CFAP46: variants seen among roughly 807,000 people sequenced by gnomAD.
The protein encoded by CFAP46 is cilia- and flagella-associated protein 46.
Under a neutral mutation model 325.7 loss-of-function variants are expected in CFAP46, and 245 were observed. The ratio of observed to expected loss-of-function variants is 0.75; its 90% CI spans 0.68 to 0.84. The LOEUF (loss-of-function observed/expected upper bound fraction) is 0.84. CFAP46 is among the 40% of genes least tolerant of loss of function. The pLI, the probability that CFAP46 is intolerant of heterozygous loss-of-function variation, is 0.00. For missense variants in CFAP46, 3,346 were observed against 3,543.0 expected (o/e 0.94, Z 1.41); for synonymous variants, 1,523 against 1,495.9 (o/e 1.02, Z -0.42).
chr10:132,856,471 G>A (rs918006349), intron 39 of CFAP46, among the ~76,000 whole-genome samples: 7 of 151,948 alleles, frequency 4.6e-5, no homozygotes, highest in East Asian at 1.9e-4. Flanking sequence ...ACCTATATTC[G>A]TGCACTTAAA....
chr10:132,835,371 G>A lies in CFAP46; in HGVS notation c.6677C>T (p.Ala2226Val). ...CTGGGTCTGCTTCCGGAACTGCTGG[G>A]CACAGGCCAGCAGGTGGGAGAAGGC... ...PTAFSHLLAC[A>V]QQFRKQTQAQ... is the part of the protein sequence containing the mutation. The change falls in exon 47 of 58, where the codon GCC (alanine) becomes GTC (valine). Residue 2226 changes from alanine to valine, a missense_variant. Transcript: ENST00000368586. 1.2e-6 allele frequency: 2 copies of A among 1,613,650 alleles called. No individual in the cohort carries two copies. The highest frequency in any genetic ancestry group is 1.7e-6 in the Non-Finnish European group (2 of 1,179,928).
rs942240360 is a variant in CFAP46 at position 132,817,989 on chromosome 10, G to A, written c.7118-3075C>T. On this transcript the variant is annotated intron_variant, in intron 50 of 57. Coordinates refer to ENST00000368586, the MANE Select transcript of CFAP46 (RefSeq NM_001200049.3). This position sits in a 1 kb window ranked among gnomAD's most constrained non-coding sequence, Gnocchi z 4.4. ...CCAGGCTCCTTCTCCTGCTTCTCTTGTGTGAGGGCTTTCTCATCACCTGGG... is the reference window on the plus strand; with the variant it reads ...CCAGGCTCCTTCTCCTGCTTCTCTTATGTGAGGGCTTTCTCATCACCTGGG... Among the ~76,000 whole-genome samples, 2 of 152,198 alleles carry A rather than the reference G, an allele frequency of 1.3e-5. No individual in the cohort carries two copies. The highest frequency in any genetic ancestry group is 2.9e-5 in the Non-Finnish European group (2 of 68,036).
intron 19 of CFAP46, among the ~76,000 whole-genome samples, chr10:132,910,399 T>C (rs1591085451): frequency 6.6e-6 from 1 of 152,066 alleles, no homozygotes. Context: ...CGGTTGGGGG[T>C]GGGGCAGCAA....
Position 132,850,274 on chromosome 10 carries a change from G to A in CFAP46, c.5922C>T (p.His1974=). 6.4e-7 allele frequency: 1 copy of A among 1,550,826 alleles called. No individual in the cohort carries two copies. The highest frequency in any genetic ancestry group is 8.7e-7 in the Non-Finnish European group (1 of 1,146,990). ...GGCCCGCCTCCCAGTAGCAGGTAGG[G>A]TGCACAGGGTCAGCTTGCATGGCCA... ...HLLAMQADPV[H]PTCYWEAGPS... The change falls in exon 41 of 58, where the codon CAC becomes CAT. Residue 1974 remains histidine, a synonymous_variant. Coordinates refer to ENST00000368586, the MANE Select transcript of CFAP46 (RefSeq NM_001200049.3).
At chr10:132,815,001 C>A in intron 50 of CFAP46, 87 bp from the exon 51 acceptor site, 2 of 1,130,806 alleles carry the variant, frequency 1.8e-6, no homozygotes, top group Non-Finnish European at 2.6e-6. Flanking sequence ...TCATGTTATG[C>A]AAATTTCACT....
chr10:132,930,548 G>C (rs1185091316), intron 8 of CFAP46, among the ~76,000 whole-genome samples: 294 of 47,618 alleles, frequency 6.2e-3, no homozygotes, highest in Middle Eastern at 0.019. Flanking sequence ...CCCACACTCC[G>C]CACACAGAGC....
rs1324328388 is a variant in CFAP46, at chr10:132,889,881, C to T, written c.3304+2452G>A. On this transcript the variant is annotated intron_variant, in intron 25 of 57. Transcript: ENST00000368586. This position sits in a 1 kb window ranked among gnomAD's most constrained non-coding sequence, Gnocchi z 6.0. Reference sequence around the variant, plus strand: ...GATTAAAGTATTGATGCGGCCTGGACGCTAAGCATTTAGCTGCCAGACGTG... The same window carrying T: ...GATTAAAGTATTGATGCGGCCTGGATGCTAAGCATTTAGCTGCCAGACGTG... Among the ~76,000 whole-genome samples, 5 of 152,200 alleles carry T rather than the reference C, an allele frequency of 3.3e-5. No homozygotes were observed. The highest frequency in any genetic ancestry group is 2.1e-4 in the South Asian group (1 of 4,830).
Position 132,937,598 on chromosome 10 carries a change from A to T in CFAP46, c.614T>A (p.Ile205Asn), listed in dbSNP as rs1850029345. 6.2e-7 allele frequency: 1 copy of T among 1,613,578 alleles called. No homozygotes were observed. Among genetic ancestry groups the T allele is most frequent in the African/African-American group, 1.3e-5 (1 of 74,944 alleles). Residue 205 changes from isoleucine to asparagine, a missense_variant, in exon 6 of 58, where the codon ATT becomes AAT. By Grantham distance (149) the Ile-to-Asn change is moderately radical. Transcript: ENST00000368586. ...GTATTTCTGTGGCACGTGAGACTTA[A>T]TGAACGGAGCTGCCGTGGAGCAGAA... Reference protein sequence around the residue: ...ARFCSTAAPFIKSHVPQKYRQ... With the variant: ...ARFCSTAAPFNKSHVPQKYRQ...
rs745687841 is a variant in CFAP46 at position 132,936,994 on chromosome 10, A to G, written c.722T>C (p.Leu241Pro). 12 of 1,545,414 alleles carry G rather than the reference A, an allele frequency of 7.8e-6. No homozygotes were observed. In the East Asian group the frequency reaches 2.8e-4, roughly 36 times the overall value. Residue 241 changes from leucine to proline, a missense_variant, in exon 7 of 58, where the codon CTG becomes CCG. Coordinates refer to ENST00000368586, the MANE Select transcript of CFAP46 (RefSeq NM_001200049.3). ...LKEEKKNSIS[L>P]SVTFYINMLK... Reference sequence around the variant, plus strand: ...CATATTAATATAGAAAGTGACTGACAGGCTAATGGAATTTTTCTTTTCTTC... The same window carrying G: ...CATATTAATATAGAAAGTGACTGACGGGCTAATGGAATTTTTCTTTTCTTC...
At chr10:132,821,944 T>G (rs1192463257) in intron 50 of CFAP46, among the ~76,000 whole-genome samples, 1 of 143,932 alleles carries the variant, frequency 6.9e-6, no homozygotes, top group Non-Finnish European at 1.5e-5. Context: ...GTGTGCTGTG[T>G]GTGCGCTTGT....
chr10:132,859,994 G>C (rs1848700092), intron 37 of CFAP46, among the ~76,000 whole-genome samples: 1 of 152,254 alleles, frequency 6.6e-6, no homozygotes, highest in Non-Finnish European at 1.5e-5. Context: ...GTCGGAGGTT[G>C]CGGTGAGCTG....
chr10:132,942,149 G>A (rs955303575), intron 1 of CFAP46, 45 bp from the exon 2 acceptor site: 2 of 1,548,512 alleles, frequency 1.3e-6, no homozygotes, highest in Non-Finnish European at 1.7e-6. Context: ...ACTGGGCTGG[G>A]AGAAGTGAGC....
intron 50 of CFAP46, among the ~76,000 whole-genome samples, chr10:132,822,419 G>GTGT (rs1294417421): frequency 6.9e-6 from 1 of 145,980 alleles, no homozygotes; most frequent in East Asian, 2.1e-4. Context: ...TATGCTGTGT[G>GTGT]TGTGGTGATG....
In CFAP46 at chr10:132,877,018, C is replaced by T. The variant is rs1367165383; in HGVS notation, c.4213-57G>A. ...AACGGTGGAGGTGAAACAGCAGACA[C>T]CCCCGGCCCACCGGCATGGCTGTGC... On this transcript the variant is annotated intron_variant, in intron 30 of 57. Transcript: ENST00000368586. This position sits in a 1 kb window ranked among gnomAD's most constrained non-coding sequence, Gnocchi z 5.7. 3 of 1,511,110 alleles carry T rather than the reference C, an allele frequency of 2.0e-6. No homozygotes were observed. Among genetic ancestry groups the T allele is most frequent in the Non-Finnish European group, 2.7e-6 (3 of 1,122,172 alleles). The allele number at this position is 1,511,110 out of a possible 1,614,324, so 93.6% of individuals were successfully genotyped here.
intron 45 of CFAP46, 77 bp downstream of exon 45, chr10:132,836,740 G>C (rs891402846): frequency 1.6e-6 from 2 of 1,248,202 alleles, no homozygotes; most frequent in Non-Finnish European, 2.3e-6. Flanking sequence ...GGTGTGGGCA[G>C]CCCACGGCTG....
chr10:132,930,415 C>T (rs184027849), intron 8 of CFAP46, among the ~76,000 whole-genome samples: 1 of 147,398 alleles, frequency 6.8e-6, no homozygotes. Context: ...AGAGCCTGAG[C>T]CTTCCTTCTT....
At chr10:132,864,002 T>C (rs570140707) in intron 35 of CFAP46, among the ~76,000 whole-genome samples, 63 of 143,144 alleles carry the variant, frequency 4.4e-4, no homozygotes, top group Non-Finnish European at 5.3e-4. Context: ...CCCCAGTGCC[T>C]GAGACCTGAA....
At chr10:132,865,881 C>T in intron 35 of CFAP46, 144 bp downstream of exon 35, 1 of 755,414 alleles carries the variant, frequency 1.3e-6, no homozygotes. Context: ...TGACTTCCCG[C>T]AGAGAGCTGG....
intron 8 of CFAP46, among the ~76,000 whole-genome samples, chr10:132,932,260 C>A (rs1264428018): frequency 2.1e-5 from 3 of 143,048 alleles, no homozygotes; most frequent in African/African-American, 5.2e-5. Context: ...TTCCTCCTCC[C>A]CACACAGAGC....
Sources: allele counts gnomAD v4.1 joint callset (sites outside exome capture counted in the v4.1 genomes callset), GRCh38; gene constraint gnomAD v4.1.1; non-coding constraint Gnocchi (gnomAD v3.1); transcripts MANE v1.5; gene names NCBI Gene and HGNC (gene_info 2026-07-23, HGNC 2026-07-21).